The following PPP2R2B variants were observed in gnomAD, a reference collection of about 807,000 sequenced individuals.
The protein encoded by PPP2R2B is protein phosphatase 2 regulatory subunit Bbeta.
Under a neutral mutation model 46.0 loss-of-function variants are expected in PPP2R2B, and 5 were observed. The observed-to-expected ratio is 0.11, with a 90% CI of 0.06 to 0.23. The LOEUF (loss-of-function observed/expected upper bound fraction) is 0.23, where lower values mean the gene tolerates loss of function less well. PPP2R2B is among the 10% of genes least tolerant of loss of function. The pLI is 1.00. For missense variants in PPP2R2B, 367 were observed against 575.0 expected, an observed-to-expected ratio of 0.64 and a Z score of 3.70; for synonymous variants, 215 against 206.7, an observed-to-expected ratio of 1.04 and a Z score of -0.34.
chr5:146,871,014 C>T (rs1205941243), intron 2 of PPP2R2B, among the ~76,000 whole-genome samples: 1 of 152,178 alleles, frequency 6.6e-6, no homozygotes, highest in African/African-American at 2.4e-5. Context: ...TTATTTCTGA[C>T]AAAGTTCCTA....
At chr5:146,943,590 T>C (rs1764390554) in intron 1 of PPP2R2B, among the ~76,000 whole-genome samples, 1 of 152,206 alleles carries the variant, frequency 6.6e-6, no homozygotes, top group Non-Finnish European at 1.5e-5. Flanking sequence ...CTTTTGATTA[T>C]CAGTAGTTGA....
At chr5:146,942,495 CT>C in intron 1 of PPP2R2B, among the ~76,000 whole-genome samples, 1 of 152,142 alleles carries the variant, frequency 6.6e-6, no homozygotes, top group East Asian at 1.9e-4. Context: ...TCTTCTTTCA[CT>C]TTTTAGTTGC....
chr5:146,955,554 A>C (rs1210270291), intron 1 of PPP2R2B, among the ~76,000 whole-genome samples: 2 of 152,146 alleles, frequency 1.3e-5, no homozygotes, highest in African/African-American at 2.4e-5. Context: ...GACCCATAAA[A>C]AAATTAAGCC....
chr5:146,850,186 G>C (rs934429452), intron 2 of PPP2R2B, among the ~76,000 whole-genome samples: 1 of 151,984 alleles, frequency 6.6e-6, no homozygotes, highest in Non-Finnish European at 1.5e-5. Context: ...CTTTTGCCAG[G>C]GTACATGCTT....
At chr5:146,642,265 T>A (rs117415186) in intron 6 of PPP2R2B, among the ~76,000 whole-genome samples, 3,134 of 152,100 alleles carry the variant, frequency 0.021, 52 homozygotes, top group Admixed American at 0.063. Context: ...CACCAGGAGG[T>A]CACTCCTTAA....
intron 5 of PPP2R2B, among the ~76,000 whole-genome samples, chr5:146,690,510 T>G (rs1165835203): frequency 1.3e-5 from 2 of 152,220 alleles, no homozygotes; most frequent in African/African-American, 4.8e-5. Context: ...TATGTATTTC[T>G]GAGGAACAGG....
At chr5:146,836,506 C>T (rs984187525) in intron 2 of PPP2R2B, among the ~76,000 whole-genome samples, 1 of 152,208 alleles carries the variant, frequency 6.6e-6, no homozygotes, top group Admixed American at 6.5e-5. Flanking sequence ...TGACCCGGCT[C>T]AGCTCCTAAA....
chr5:146,920,117 A>G (rs995111390), intron 1 of PPP2R2B, among the ~76,000 whole-genome samples: 3 of 152,210 alleles, frequency 2.0e-5, no homozygotes, highest in African/African-American at 7.2e-5. Context: ...CATGAAGGTT[A>G]TAGTAATTAT....
At chr5:146,901,305 G>A (rs1468183117) in intron 1 of PPP2R2B, among the ~76,000 whole-genome samples, 1 of 152,116 alleles carries the variant, frequency 6.6e-6, no homozygotes, top group Non-Finnish European at 1.5e-5. Context: ...TTCAAGACCA[G>A]CTTGGGTAAC....
At chr5:146,605,978 G>A (rs1772223309) in intron 7 of PPP2R2B, among the ~76,000 whole-genome samples, 1 of 152,176 alleles carries the variant, frequency 6.6e-6, no homozygotes, top group Admixed American at 6.5e-5. Flanking sequence ...GGAGCCCCCT[G>A]AAAGGGCTCA....
intron 2 of PPP2R2B, among the ~76,000 whole-genome samples, chr5:146,863,682 A>ATCCT (rs1403996475): frequency 2.0e-5 from 3 of 149,790 alleles, no homozygotes; most frequent in Non-Finnish European, 3.0e-5. Context: ...CCATCCATCC[A>ATCCT]TCCTTTAAAT....
chr5:147,029,895 C>CT lies in PPP2R2B; in HGVS notation c.79+25769dup, dbSNP rs879799022. Among the ~76,000 whole-genome samples the CT allele has an allele frequency of 3.4e-3, 517 of 152,298 alleles. 1 individual carries two copies. Among genetic ancestry groups the CT allele is most frequent in the Admixed American group, 5.2e-3 (80 of 15,298 alleles). On this transcript the variant is annotated intron_variant, in intron 1 of 8. Coordinates refer to the PPP2R2B transcript ENST00000336640. ...ATCTCTATTGTTGAAGCTACCCAGTCTCTGATATTCTGTTATGGCAGCCCC... is the reference window on the plus strand; with the variant it reads ...ATCTCTATTGTTGAAGCTACCCAGTCTTCTGATATTCTGTTATGGCAGCCCC...
intron 2 of PPP2R2B, among the ~76,000 whole-genome samples, chr5:146,792,839 C>A (rs971165476): frequency 6.6e-6 from 1 of 152,134 alleles, no homozygotes; most frequent in East Asian, 1.9e-4. Context: ...AACCGAAGGA[C>A]AGATGATGTA....
At chr5:146,884,848 A>G (rs1390260550) in intron 1 of PPP2R2B, among the ~76,000 whole-genome samples, 1 of 152,218 alleles carries the variant, frequency 6.6e-6, no homozygotes, top group Non-Finnish European at 1.5e-5. Flanking sequence ...AAATTTTAGT[A>G]TAATTTAAAC....
intron 2 of PPP2R2B, among the ~76,000 whole-genome samples, chr5:146,713,828 AG>A (rs774787837): frequency 2.6e-5 from 4 of 152,146 alleles, no homozygotes; most frequent in Non-Finnish European, 4.4e-5. Flanking sequence ...AGGCTTTTTG[AG>A]GACCAGATGT....
intron 5 of PPP2R2B, among the ~76,000 whole-genome samples, chr5:146,675,902 C>T (rs566983746): frequency 6.6e-6 from 1 of 152,090 alleles, no homozygotes; most frequent in South Asian, 2.1e-4. Context: ...CTGACAGGTG[C>T]ACTCTATCTT....
rs1474770836 is a variant in PPP2R2B at position 146,588,636 on chromosome 5, G to A, written c.*1311C>T. On this transcript the variant is annotated 3_prime_UTR_variant, in exon 10 of 10. Coordinates refer to ENST00000394411, the MANE Select transcript of PPP2R2B (RefSeq NM_181675.4). ...GCCTTTCCTAGGGGTGTGCCACATA[G>A]AACCTTCTGGAAATGGCTTTCTAGA... 6.6e-6 allele frequency: 1 copy of A among 152,170 alleles called. No individual in the cohort carries two copies. Among genetic ancestry groups the A allele is most frequent in the African/African-American group, 2.4e-5 (1 of 41,444 alleles). 9.4% of individuals were successfully genotyped at this position (152,170 alleles called of 1,614,324 possible). A position where few individuals can be genotyped will look rare whatever the true frequency, so the allele number is the denominator to read the frequency against.
chr5:147,032,248 A>C (rs1445890604), intron 1 of PPP2R2B, among the ~76,000 whole-genome samples: 2 of 152,230 alleles, frequency 1.3e-5, no homozygotes, highest in Non-Finnish European at 2.9e-5. Context: ...ACATGAATAG[A>C]CAATTCTCAA....
At chr5:146,986,407 C>T (rs1484979819) in intron 1 of PPP2R2B, among the ~76,000 whole-genome samples, 1 of 152,164 alleles carries the variant, frequency 6.6e-6, no homozygotes, top group African/African-American at 2.4e-5. Flanking sequence ...CCCTGAAACA[C>T]TTCACCATTG....
Sources: allele counts gnomAD v4.1 joint callset (sites outside exome capture counted in the v4.1 genomes callset), GRCh38; gene constraint gnomAD v4.1.1; transcripts MANE v1.5; gene names NCBI Gene and HGNC (gene_info 2026-07-23, HGNC 2026-07-21).